Variants in AMPD3 observed in about 807,000 individuals in gnomAD.
The protein encoded by AMPD3 is adenosine monophosphate deaminase 3.
Under a neutral mutation model 82.3 loss-of-function variants are expected in AMPD3, and 57 were observed. The observed-to-expected ratio is 0.69, with a 90% CI of 0.56 to 0.86. AMPD3 has a LOEUF of 0.86. Ranked by LOEUF, AMPD3 falls within the 40% of genes least tolerant of loss-of-function variation. The pLI, the probability that AMPD3 is intolerant of heterozygous loss-of-function variation, is 0.00. For missense variants in AMPD3, 870 were observed against 1,003.8 expected (o/e 0.87, Z 1.80); for synonymous variants, 381 against 394.7 (o/e 0.97, Z 0.41).
chr11:10,461,103 G>A, intron 1 of AMPD3: 7 of 1,183,040 alleles, frequency 5.9e-6, no homozygotes, highest in Non-Finnish European at 6.4e-6. Context: ...GTGGGGGAGT[G>A]AGGTTTGATT....
At chr11:10,504,015 C>G (rs1038052488) in intron 13 of AMPD3, 3 of 985,176 alleles carry the variant, frequency 3.0e-6, no homozygotes, top group East Asian at 1.1e-4. Context: ...AACCACAGCT[C>G]AAACCCAGAT....
At chr11:10,495,500 G>A in intron 8 of AMPD3, 70 bp from the exon 9 acceptor site, 2 of 1,610,514 alleles carry the variant, frequency 1.2e-6, no homozygotes, top group Non-Finnish European at 1.7e-6. Context: ...GACCCTGCTG[G>A]TGACGGAGAG....
chr11:10,485,028 C>T lies in AMPD3; in HGVS notation c.798C>T (p.Thr266=), dbSNP rs762481412. 9.3e-6 allele frequency: 15 copies of T among 1,613,200 alleles called. No homozygotes were observed. The highest frequency in any genetic ancestry group is 2.2e-5 in the East Asian group (1 of 44,872). The part of the protein sequence containing the change: ...VDMSHILALI[T]DGPTKTYCHR... The stretch of plus-strand genomic sequence containing the variant: ...TGAGCCACATCCTGGCTCTCATCAC[C>T]GATGGCCCCACGTAAGCTAGCTTCT... The change falls in exon 5 of 15, where the codon ACC becomes ACT. Residue 266 remains threonine (T), a synonymous_variant. Coordinates refer to ENST00000396553, the MANE Select transcript of AMPD3 (RefSeq NM_001025389.2).
chr11:10,485,006 G>A lies in AMPD3; in HGVS notation c.776G>A (p.Ser259Asn). The A allele has an allele frequency of 6.2e-7, 1 of 1,613,938 alleles. No individual in the cohort carries two copies. Among genetic ancestry groups the A allele is most frequent in the Non-Finnish European group, 8.5e-7 (1 of 1,180,016 alleles). The change falls in exon 5 of 15, where the codon AGC (serine) becomes AAC (asparagine). Residue 259 changes from serine to asparagine, a missense_variant. Coordinates refer to ENST00000396553, the MANE Select transcript of AMPD3 (RefSeq NM_001025389.2). ...PDLETYTVDMSHILALITDGP... is the reference protein window; with the variant it reads ...PDLETYTVDMNHILALITDGP... Reference sequence around the variant, plus strand: ...CTGGAGACCTACACGGTGGACATGAGCCACATCCTGGCTCTCATCACCGAT... The same window carrying A: ...CTGGAGACCTACACGGTGGACATGAACCACATCCTGGCTCTCATCACCGAT...
At chr11:10,496,345 G>A (rs961838017) in intron 9 of AMPD3, 2 of 985,462 alleles carry the variant, frequency 2.0e-6, no homozygotes, top group Non-Finnish European at 2.4e-6. Flanking sequence ...TATGGGGAGA[G>A]CTGTAGTGGT....
intron 1 of AMPD3, among the ~76,000 whole-genome samples, chr11:10,457,545 G>T (rs1848133510): frequency 6.6e-6 from 1 of 152,258 alleles, no homozygotes; most frequent in African/African-American, 2.4e-5. Context: ...GAGAAAGGAA[G>T]ATATGTTATA....
At chr11:10,468,809 A>C (rs963570173) in intron 2 of AMPD3, among the ~76,000 whole-genome samples, 1 of 152,260 alleles carries the variant, frequency 6.6e-6, no homozygotes, top group Non-Finnish European at 1.5e-5. Context: ...ACCACAGTGC[A>C]ATCAAATTAG....
chr11:10,501,192 A>C, intron 11 of AMPD3: 1 of 985,392 alleles, frequency 1.0e-6, no homozygotes, highest in Non-Finnish European at 1.2e-6. Flanking sequence ...ACACAAGGCC[A>C]GGAGAGGAAT....
intron 3 of AMPD3, among the ~76,000 whole-genome samples, chr11:10,480,231 G>A (rs1006735107): frequency 3.3e-5 from 5 of 152,228 alleles, no homozygotes; most frequent in Non-Finnish European, 4.4e-5. Context: ...AAGCTTGGCC[G>A]GTGGCCACGG....
chr11:10,478,188 C>T, intron 2 of AMPD3: 2 of 985,392 alleles, frequency 2.0e-6, no homozygotes, highest in Non-Finnish European at 2.4e-6. Flanking sequence ...TTGTCCTCCC[C>T]TCTAGTGCCC....
chr11:10,466,137 C>T (rs1181103828), intron 2 of AMPD3, among the ~76,000 whole-genome samples: 1 of 152,158 alleles, frequency 6.6e-6, no homozygotes, highest in Non-Finnish European at 1.5e-5. Context: ...TGGGGGGCAC[C>T]TGTAATCCCA....
At chr11:10,477,061 G>T in intron 2 of AMPD3, 1 of 985,486 alleles carries the variant, frequency 1.0e-6, no homozygotes, top group Non-Finnish European at 1.2e-6. Context: ...CAAGCACTGG[G>T]TGTGTAAACA....
In AMPD3 at chr11:10,457,365, T is replaced by C. The variant is rs989751904; in HGVS notation, c.-6+1917T>C. Reference sequence around the variant, plus strand: ...GGGTTCTGTAAAACAAAAAGGGTTCTGTATGTTAATGTTACTCTATGATCC... The same window carrying C: ...GGGTTCTGTAAAACAAAAAGGGTTCCGTATGTTAATGTTACTCTATGATCC... On this transcript the variant is annotated intron_variant, in intron 1 of 14. Transcript: ENST00000396553. Among the ~76,000 whole-genome samples the C allele has an allele frequency of 3.2e-4, 48 of 152,146 alleles. 1 individual carries two copies. The highest frequency in any genetic ancestry group is 2.6e-3 in the Admixed American group (39 of 15,280).
chr11:10,472,774 C>A (rs922468152), intron 2 of AMPD3, among the ~76,000 whole-genome samples: 2 of 152,064 alleles, frequency 1.3e-5, no homozygotes, highest in African/African-American at 4.8e-5. Context: ...GAGGCTGAGG[C>A]GGGTGGATCA....
upstream of AMPD3, among the ~76,000 whole-genome samples, chr11:10,454,205 A>G (rs1182317510): frequency 2.0e-5 from 3 of 152,120 alleles, no homozygotes; most frequent in African/African-American, 7.2e-5. Context: ...TAAACTGCCC[A>G]TGTTCTGGGG....
chr11:10,484,914 C>T lies in AMPD3; in HGVS notation c.684C>T (p.Ile228=). The change falls in exon 5 of 15, where the codon ATC becomes ATT. Residue 228 remains isoleucine (I), a synonymous_variant. Transcript: ENST00000396553. Reference sequence around the variant, plus strand: ...ACTTGGTCCACATGCAGGGGGGCATCCTCTTTGTGTATGATAACAAGAAGA... The same window carrying T: ...ACTTGGTCCACATGCAGGGGGGCATTCTCTTTGTGTATGATAACAAGAAGA... The part of the protein sequence containing the change: ...LDYLVHMQGG[I]LFVYDNKKML... 1 of 1,614,096 alleles carries T rather than the reference C, an allele frequency of 6.2e-7. No homozygotes were observed. Among genetic ancestry groups the T allele is most frequent in the Non-Finnish European group, 8.5e-7 (1 of 1,180,022 alleles).
At chr11:10,473,149 G>A (rs1399433959) in intron 2 of AMPD3, among the ~76,000 whole-genome samples, 1 of 152,074 alleles carries the variant, frequency 6.6e-6, no homozygotes, top group Non-Finnish European at 1.5e-5. Flanking sequence ...GTGCGCCTAT[G>A]GTTCCAGCTT....
At chr11:10,484,139 A>G (rs1848995473) in intron 4 of AMPD3, 6 of 545,842 alleles carry the variant, frequency 1.1e-5, no homozygotes, top group Non-Finnish European at 1.4e-5. Flanking sequence ...TCTTCAGAGG[A>G]GATAGGCTCA....
intron 5 of AMPD3, chr11:10,487,005 C>G (rs1849090795): frequency 1.0e-6 from 1 of 985,202 alleles, no homozygotes; most frequent in Non-Finnish European, 1.2e-6. Flanking sequence ...GTATGAGGTC[C>G]CAGAGCTGGC....
Sources: gnomAD v4.1 joint callset for allele counts (sites outside exome capture counted in the v4.1 genomes callset) on GRCh38, gnomAD v4.1.1 for gene constraint, MANE v1.5 for transcripts, NCBI Gene and HGNC (gene_info 2026-07-23, HGNC 2026-07-21) for gene names.